The following SFXN1 variants were observed in gnomAD, a reference collection of about 807,000 sequenced individuals.
SFXN1 encodes the protein sideroflexin-1.
Under a neutral mutation model 39.5 loss-of-function variants are expected in SFXN1, and 32 were observed. That is an observed-to-expected ratio of 0.81 (90% CI 0.61 to 1.09). The LOEUF (loss-of-function observed/expected upper bound fraction) is 1.09. SFXN1 is among the 50% of genes least tolerant of loss of function. The pLI is 0.00. For synonymous variants in SFXN1, 136 were observed against 146.5 expected (o/e 0.93, Z 0.52); for missense variants, 402 against 407.1 (o/e 0.99, Z 0.11).
At chr5:175,492,000 C>T (rs1303765996) in intron 1 of SFXN1, 95 bp from the exon 2 acceptor site, 16 of 832,788 alleles carry the variant, frequency 1.9e-5, no homozygotes, top group African/African-American at 3.5e-5. Context: ...AGAGTATGTA[C>T]ATATTTACTC....
intron 2 of SFXN1, among the ~76,000 whole-genome samples, chr5:175,501,675 G>A (rs1311186763): frequency 6.6e-6 from 1 of 151,990 alleles, no homozygotes; most frequent in Non-Finnish European, 1.5e-5. Flanking sequence ...GATTTGAGTA[G>A]ACTTAGGACA....
At position 175,512,312 on chromosome 5, in the gene SFXN1, A is replaced by G. The variant is rs974484051; in HGVS notation, c.596+116A>G. ...TTTTAATATGTATAGGTGAAATTAT[A>G]TGAGATCTTGGATTTCTTTTGAAAT... is the stretch of plus-strand genomic sequence containing the variant. On this transcript the variant is annotated intron_variant, in intron 6 of 10. Transcript: ENST00000321442. The G allele has an allele frequency of 3.4e-6, 3 of 887,166 alleles. No homozygotes were observed. In the African/African-American group the frequency reaches 5.1e-5, roughly 15 times the overall value. The allele number at this position is 887,166 out of a possible 1,614,324, so 55.0% of individuals were successfully genotyped here. A position where few individuals can be genotyped will look rare whatever the true frequency, so the allele number is the denominator to read the frequency against.
chr5:175,513,327 G>C, intron 6 of SFXN1, 136 bp from the exon 7 acceptor site: 1 of 301,626 alleles, frequency 3.3e-6, no homozygotes, highest in Non-Finnish European at 6.0e-6. Flanking sequence ...AAAAAAAACA[G>C]ATGTGTCAGT....
rs181007670 is a variant in SFXN1, at chr5:175,502,765, C to T, written c.165-6267C>T. ...CTGAGGCAGGAGAATCGCTTGAACCCGGGAAGCAAAGGTTGCGATGAGCCA... is the reference window on the plus strand; with the variant it reads ...CTGAGGCAGGAGAATCGCTTGAACCTGGGAAGCAAAGGTTGCGATGAGCCA... On this transcript the variant is annotated intron_variant, in intron 2 of 10. Coordinates refer to ENST00000321442, the MANE Select transcript of SFXN1 (RefSeq NM_022754.7). Among the ~76,000 whole-genome samples the T allele has an allele frequency of 2.3e-3, 350 of 152,110 alleles. 1 individual carries two copies. Among genetic ancestry groups the T allele is most frequent in the Non-Finnish European group, 2.9e-3 (198 of 67,988 alleles).
At chr5:175,490,049 A>T (rs894669597) in intron 1 of SFXN1, among the ~76,000 whole-genome samples, 1 of 152,120 alleles carries the variant, frequency 6.6e-6, no homozygotes, top group African/African-American at 2.4e-5. Flanking sequence ...GGAAACTACA[A>T]AGTTAAGATG....
chr5:175,519,206 G>A (rs1408876028), intron 8 of SFXN1, among the ~76,000 whole-genome samples: 1 of 152,212 alleles, frequency 6.6e-6, no homozygotes, highest in East Asian at 1.9e-4. Flanking sequence ...ATCATAGCAA[G>A]TGTTGGTGAG....
intron 1 of SFXN1, among the ~76,000 whole-genome samples, chr5:175,486,615 T>TA (rs903152143): frequency 6.6e-6 from 1 of 151,788 alleles, no homozygotes; most frequent in Admixed American, 6.6e-5. Flanking sequence ...TACAAAAATT[T>TA]AAAAAAACAG....
chr5:175,495,675 C>G (rs77480921), intron 2 of SFXN1, among the ~76,000 whole-genome samples: 41,538 of 149,458 alleles, frequency 0.28, 6,018 homozygotes, highest in South Asian at 0.45. Context: ...GTTGCAGTGA[C>G]TTGAGATCGC....
chr5:175,524,602 A>G (rs1314731231), intron 10 of SFXN1, among the ~76,000 whole-genome samples: 1 of 151,824 alleles, frequency 6.6e-6, no homozygotes, highest in Non-Finnish European at 1.5e-5. Context: ...AAATCAATGC[A>G]CTAAATGTCC....
Position 175,528,538 on chromosome 5 carries a change from CTATT to C in SFXN1, c.*1807_*1810del, listed in dbSNP as rs1232273074. ...ATTGTAAATGAAAAAAATATAGAAA[CTATT>C]TAGTTTTGGTAGATTTTTTTTCTGA... On this transcript the variant is annotated 3_prime_UTR_variant, in exon 11 of 11. Transcript: ENST00000321442. 1 of 151,942 alleles carries C rather than the reference CTATT, an allele frequency of 6.6e-6. No individual in the cohort carries two copies. The highest frequency in any genetic ancestry group is 1.5e-5 in the Non-Finnish European group (1 of 67,994). The allele number at this position is 151,942 out of a possible 1,614,324, so 9.4% of individuals were successfully genotyped here.
rs1192571073 is a variant in SFXN1, at chr5:175,528,021, G to A, written c.*1287G>A. Reference sequence around the variant, plus strand: ...TGCAAGCTCCGCCTCCCGGGTTCACGCCGTTCTCCTGCCTCAGCCTCTCTG... The same window carrying A: ...TGCAAGCTCCGCCTCCCGGGTTCACACCGTTCTCCTGCCTCAGCCTCTCTG... On this transcript the variant is annotated 3_prime_UTR_variant, in exon 11 of 11. Coordinates refer to ENST00000321442, the MANE Select transcript of SFXN1 (RefSeq NM_022754.7). 2 of 147,530 alleles carry A rather than the reference G, an allele frequency of 1.4e-5. No homozygotes were observed. Among genetic ancestry groups the A allele is most frequent in the East Asian group, 2.0e-4 (1 of 4,890 alleles). 9.1% of individuals were successfully genotyped at this position (147,530 alleles called of 1,614,324 possible). A position where few individuals can be genotyped will look rare whatever the true frequency, so the allele number is the denominator to read the frequency against.
chr5:175,500,429 C>CACAA (rs1760031189), intron 2 of SFXN1, among the ~76,000 whole-genome samples: 1 of 150,768 alleles, frequency 6.6e-6, no homozygotes, highest in Non-Finnish European at 1.5e-5. Flanking sequence ...CACACACACA[C>CACAA]ACACACACAC....
intron 2 of SFXN1, 94 bp downstream of exon 2, chr5:175,492,361 T>C (rs932014041): frequency 3.3e-5 from 39 of 1,197,804 alleles, no homozygotes; most frequent in Non-Finnish European, 4.0e-5. Context: ...TTTACAACTT[T>C]TTTTTTTGCA....
chr5:175,527,828 A>G lies in SFXN1; in HGVS notation c.*1094A>G, dbSNP rs1761112677. On this transcript the variant is annotated 3_prime_UTR_variant, in exon 11 of 11. Transcript: ENST00000321442. ...ATTTAATATGACAGATTATGTTTCAACTCTGTAGATGTTTAACGTCATAGA... is the reference window on the plus strand; with the variant it reads ...ATTTAATATGACAGATTATGTTTCAGCTCTGTAGATGTTTAACGTCATAGA... The G allele has an allele frequency of 6.6e-6, 1 of 152,074 alleles. No homozygotes were observed. Among genetic ancestry groups the G allele is most frequent in the Non-Finnish European group, 1.5e-5 (1 of 68,020 alleles). The allele number at this position is 152,074 out of a possible 1,614,324, so 9.4% of individuals were successfully genotyped here.
rs192064395 is a variant in SFXN1, at chr5:175,521,552, C to T, written c.775-367C>T. Among the ~76,000 whole-genome samples, 213 of 152,306 alleles carry T rather than the reference C, an allele frequency of 1.4e-3. 2 individuals carry two copies. The highest frequency in any genetic ancestry group is 8.4e-4 in the Non-Finnish European group (57 of 68,024). On this transcript the variant is annotated intron_variant, in intron 8 of 10. Coordinates refer to ENST00000321442, the MANE Select transcript of SFXN1 (RefSeq NM_022754.7). ...GTGGTTCCCCACAGTCAGGAACTAA[C>T]CAGAAGGCGGGAGACTTGAGACCTT...
chr5:175,485,280 T>C (rs1759408480), intron 1 of SFXN1, among the ~76,000 whole-genome samples: 1 of 152,250 alleles, frequency 6.6e-6, no homozygotes. Flanking sequence ...ACTACATATT[T>C]GAGTAGCTTA....
intron 9 of SFXN1, 50 bp downstream of exon 9, chr5:175,522,018 C>G: frequency 6.8e-7 from 1 of 1,473,634 alleles, no homozygotes; most frequent in Non-Finnish European, 9.4e-7. Context: ...AATATAAATA[C>G]ACAGCGTATG....
At chr5:175,480,196 T>G (rs1759182789) in intron 1 of SFXN1, among the ~76,000 whole-genome samples, 1 of 151,984 alleles carries the variant, frequency 6.6e-6, no homozygotes. Context: ...GGTCAGGAGA[T>G]CAAGACCATC....
At chr5:175,502,379 T>G (rs924622400) in intron 2 of SFXN1, among the ~76,000 whole-genome samples, 4 of 152,188 alleles carry the variant, frequency 2.6e-5, no homozygotes, top group Non-Finnish European at 5.9e-5. Context: ...GACCATGAAC[T>G]GAATTCCTTC....
Sources: gnomAD v4.1 joint callset for allele counts (sites outside exome capture counted in the v4.1 genomes callset) on GRCh38, gnomAD v4.1.1 for gene constraint, MANE v1.5 for transcripts, NCBI Gene and HGNC (gene_info 2026-07-23, HGNC 2026-07-21) for gene names.